The following DLG2 variants were observed in gnomAD, a reference collection of about 807,000 sequenced individuals.
The protein encoded by DLG2 is discs large MAGUK scaffold protein 2, also known as disks large homolog 2.
DLG2 carries 45 observed loss-of-function variants against 132.5 expected under a neutral mutation model. That is an observed-to-expected ratio of 0.34 (90% CI 0.27 to 0.44). The LOEUF (loss-of-function observed/expected upper bound fraction) is 0.44, where lower values mean the gene tolerates loss of function less well. Among genes scored for constraint, DLG2 ranks in the 20% least tolerant of loss-of-function variants. DLG2 has a pLI of 1.00. For synonymous variants in DLG2, 424 were observed against 419.6 expected, an observed-to-expected ratio of 1.01 and a Z score of -0.13; for missense variants, 1,045 against 1,196.9, an observed-to-expected ratio of 0.87 and a Z score of 1.87.
chr11:85,014,092 C>T (rs1001292106), intron 6 of DLG2, among the ~76,000 whole-genome samples: 1 of 152,052 alleles, frequency 6.6e-6, no homozygotes, highest in Admixed American at 6.6e-5. Flanking sequence ...ACAAGGATAT[C>T]AACAATAAAA....
intron 14 of DLG2, among the ~76,000 whole-genome samples, chr11:83,942,234 G>C (rs1046781126): frequency 6.6e-6 from 1 of 152,022 alleles, no homozygotes; most frequent in Non-Finnish European, 1.5e-5. Context: ...AAATTCATTA[G>C]CATTGAATAC....
intron 3 of DLG2, among the ~76,000 whole-genome samples, chr11:85,435,297 G>A (rs1597327984): frequency 6.6e-6 from 1 of 152,140 alleles, no homozygotes; most frequent in South Asian, 2.1e-4. Context: ...ATTCAACATA[G>A]TGTTGGAAGT....
chr11:85,605,477 G>A (rs1203247334), intron 2 of DLG2, among the ~76,000 whole-genome samples: 1 of 152,098 alleles, frequency 6.6e-6, no homozygotes, highest in Non-Finnish European at 1.5e-5. Context: ...AATAAAAATG[G>A]TCCTACCTTT....
chr11:83,782,225 T>A (rs74328455), intron 18 of DLG2, among the ~76,000 whole-genome samples: 2 of 152,186 alleles, frequency 1.3e-5, no homozygotes, highest in African/African-American at 4.8e-5. Context: ...CCTTTAATAA[T>A]TACTCAGCAA....
chr11:84,589,744 C>T (rs1260837146), intron 6 of DLG2, among the ~76,000 whole-genome samples: 2 of 152,170 alleles, frequency 1.3e-5, no homozygotes, highest in Non-Finnish European at 2.9e-5. Flanking sequence ...ATGTCTTAAT[C>T]ATCTCTGTCA....
At chr11:83,857,806 C>T (rs1303052770) in intron 16 of DLG2, among the ~76,000 whole-genome samples, 1 of 138,754 alleles carries the variant, frequency 7.2e-6, no homozygotes, top group Non-Finnish European at 1.6e-5. Flanking sequence ...GAATTTTCTA[C>T]ATTTTCTGCT....
rs1222486667 is a variant in DLG2, at chr11:84,307,695, C to CAAAAAA, written c.520-56410_520-56405dup. ...TGGGTGAAAGAGCGAGACGCAGTCT[C>CAAAAAA]AAAAAAAAAAAAAAAAAAAAAGAAG... On this transcript the variant is annotated intron_variant, in intron 7 of 27. Transcript: ENST00000376104. 1.1e-3 allele frequency among the ~76,000 whole-genome samples: 83 copies of CAAAAAA among 77,988 alleles called. 3 individuals are homozygous for CAAAAAA. Among genetic ancestry groups the CAAAAAA allele is most frequent in the African/African-American group, 3.5e-3 (65 of 18,504 alleles). The allele number at this position is 77,988 out of a possible 152,430, so 51.2% of individuals were successfully genotyped here.
chr11:85,497,679 G>A (rs1372276234), intron 3 of DLG2, among the ~76,000 whole-genome samples: 1 of 152,066 alleles, frequency 6.6e-6, no homozygotes. Context: ...TAACCAGAGA[G>A]AAAGGTCAGG....
intron 7 of DLG2, among the ~76,000 whole-genome samples, chr11:84,533,905 CA>C (rs558597260): frequency 8.7e-4 from 61 of 70,254 alleles, no homozygotes; most frequent in African/African-American, 2.3e-3. Flanking sequence ...CCAGTTCAGC[CA>C]AAAAAAAAAA....
chr11:84,417,261 G>T (rs949111819), intron 7 of DLG2, among the ~76,000 whole-genome samples: 2 of 152,152 alleles, frequency 1.3e-5, no homozygotes, highest in Non-Finnish European at 2.9e-5. Context: ...ATCTATGAAA[G>T]TCATTTTAAA....
At position 84,782,341 on chromosome 11, in the gene DLG2, C is replaced by T. The variant is rs1598008866; in HGVS notation, c.358-247610G>A. 1.3e-5 allele frequency among the ~76,000 whole-genome samples: 2 copies of T among 151,984 alleles called. 1 individual carries two copies. Among genetic ancestry groups the T allele is most frequent in the African/African-American group, 4.8e-5 (2 of 41,462 alleles). On this transcript the variant is annotated intron_variant, in intron 6 of 27. Transcript: ENST00000376104. ...TTAAGTTTTGGGGAATCAAAGATAA[C>T]TTTGAGGATTTAGTAAAAGTTATGA...
intron 7 of DLG2, among the ~76,000 whole-genome samples, chr11:84,532,313 T>C (rs1394305494): frequency 1.3e-5 from 2 of 152,090 alleles, no homozygotes; most frequent in African/African-American, 2.4e-5. Context: ...TCATCTATCA[T>C]TATTAGTTGA....
intron 7 of DLG2, among the ~76,000 whole-genome samples, chr11:84,367,705 G>A (rs1439133747): frequency 1.3e-5 from 2 of 152,102 alleles, no homozygotes; most frequent in Non-Finnish European, 2.9e-5. Flanking sequence ...CTCTTGCCAT[G>A]TGATGCCTTC....
chr11:85,577,237 G>A (rs768048112), intron 3 of DLG2, among the ~76,000 whole-genome samples: 2 of 152,102 alleles, frequency 1.3e-5, no homozygotes, highest in Non-Finnish European at 2.9e-5. Flanking sequence ...AAAACAAATG[G>A]ATACAGTTAA....
At chr11:83,667,131 G>A (rs539579499) in intron 18 of DLG2, among the ~76,000 whole-genome samples, 2 of 152,206 alleles carry the variant, frequency 1.3e-5, no homozygotes, top group Admixed American at 6.5e-5. Context: ...TATGAATAAA[G>A]GATATTTATT....
chr11:85,336,944 G>C (rs1176376311), intron 3 of DLG2, among the ~76,000 whole-genome samples: 1 of 152,114 alleles, frequency 6.6e-6, no homozygotes, highest in Admixed American at 6.6e-5. Context: ...ACTGGCTTTA[G>C]GAAGTACTGG....
At chr11:85,071,937 A>T (rs1475576413) in intron 6 of DLG2, among the ~76,000 whole-genome samples, 1 of 151,878 alleles carries the variant, frequency 6.6e-6, no homozygotes, top group African/African-American at 2.4e-5. Context: ...GCAATCTACC[A>T]AACAGGTGAA....
intron 6 of DLG2, among the ~76,000 whole-genome samples, chr11:84,676,955 TG>T (rs1326119421): frequency 6.6e-6 from 1 of 151,800 alleles, no homozygotes; most frequent in Non-Finnish European, 1.5e-5. Context: ...TTCAAAAGCG[TG>T]GGGCATCATT....
chr11:84,163,023 C>A (rs568341413), intron 9 of DLG2, among the ~76,000 whole-genome samples: 2 of 152,016 alleles, frequency 1.3e-5, no homozygotes, highest in Non-Finnish European at 2.9e-5. Context: ...TGTGTTTTTT[C>A]CTATGGGAGT....
Sources: gnomAD v4.1 joint callset for allele counts (sites outside exome capture counted in the v4.1 genomes callset) on GRCh38, gnomAD v4.1.1 for gene constraint, MANE v1.5 for transcripts, NCBI Gene and HGNC (gene_info 2026-07-23, HGNC 2026-07-21) for gene names.